Variants in LRRTM4 observed in about 807,000 individuals in gnomAD.
LRRTM4 encodes the protein leucine-rich repeat transmembrane neuronal protein 4.
In LRRTM4, 25 loss-of-function variants were observed where a neutral mutation model predicts 47.6. The observed-to-expected ratio is 0.53, with a 90% CI of 0.38 to 0.73. The LOEUF is 0.73. LRRTM4 is among the 30% of genes least tolerant of loss of function. The pLI is 0.00. For missense variants in LRRTM4, 638 were observed against 713.4 expected, an observed-to-expected ratio of 0.89 and a Z score of 1.20; for synonymous variants, 311 against 269.5, an observed-to-expected ratio of 1.15 and a Z score of -1.51.
At chr2:77,116,081 C>T (rs1671382326) in intron 3 of LRRTM4, among the ~76,000 whole-genome samples, 1 of 152,038 alleles carries the variant, frequency 6.6e-6, no homozygotes, top group Non-Finnish European at 1.5e-5. Flanking sequence ...TGGGTTTAGG[C>T]ACTTGCATTT....
chr2:77,369,806 A>G (rs1484989568), intron 3 of LRRTM4, among the ~76,000 whole-genome samples: 1 of 151,760 alleles, frequency 6.6e-6, no homozygotes, highest in Non-Finnish European at 1.5e-5. Context: ...TATACTGAAT[A>G]CTGTAGGCAA....
At chr2:77,183,235 C>T (rs1217778932) in intron 3 of LRRTM4, among the ~76,000 whole-genome samples, 1 of 151,858 alleles carries the variant, frequency 6.6e-6, no homozygotes, top group Non-Finnish European at 1.5e-5. Flanking sequence ...AACAAATTTA[C>T]AACAAAAAAA....
chr2:77,511,333 A>G (rs1377314504), intron 3 of LRRTM4, among the ~76,000 whole-genome samples: 1 of 152,058 alleles, frequency 6.6e-6, no homozygotes, highest in Non-Finnish European at 1.5e-5. Context: ...ACATGTTAGT[A>G]TTTTAGAAAT....
At chr2:76,811,492 G>A (rs1010895601) in intron 3 of LRRTM4, among the ~76,000 whole-genome samples, 24 of 152,106 alleles carry the variant, frequency 1.6e-4, no homozygotes, top group Non-Finnish European at 3.2e-4. Context: ...CCAGACCATC[G>A]CCTCTACTCT....
intron 3 of LRRTM4, among the ~76,000 whole-genome samples, chr2:77,457,055 TAAC>T (rs1676590860): frequency 8.4e-6 from 1 of 118,810 alleles, no homozygotes; most frequent in African/African-American, 3.4e-5. Context: ...TATATATGTA[TAAC>T]CTGGAACTCT....
chr2:76,965,643 T>G (rs1676000928), intron 3 of LRRTM4, among the ~76,000 whole-genome samples: 1 of 151,370 alleles, frequency 6.6e-6, no homozygotes, highest in Non-Finnish European at 1.5e-5. Context: ...CTTAGCCTGA[T>G]TTTAGCTGAA....
At chr2:77,115,522 A>C (rs1733463) in intron 3 of LRRTM4, among the ~76,000 whole-genome samples, 92,881 of 152,000 alleles carry the variant, frequency 0.61, 29,319 homozygotes, top group African/African-American at 0.77. Context: ...TGATAAATGT[A>C]CATGAAATCT....
At chr2:76,921,699 A>G (rs1674437988) in intron 3 of LRRTM4, among the ~76,000 whole-genome samples, 2 of 152,034 alleles carry the variant, frequency 1.3e-5, no homozygotes, top group Non-Finnish European at 2.9e-5. Context: ...GCAGTTAGGT[A>G]TCTTTTATTT....
At chr2:77,228,081 A>G (rs1274147131) in intron 3 of LRRTM4, among the ~76,000 whole-genome samples, 1 of 152,108 alleles carries the variant, frequency 6.6e-6, no homozygotes, top group Non-Finnish European at 1.5e-5. Flanking sequence ...GAAACAGGAC[A>G]CAATTATAAA....
At chr2:76,860,834 T>C (rs1276944590) in intron 3 of LRRTM4, among the ~76,000 whole-genome samples, 1 of 152,026 alleles carries the variant, frequency 6.6e-6, no homozygotes, top group African/African-American at 2.4e-5. Flanking sequence ...GAAACAGATA[T>C]TGAGTGGGTA....
intron 3 of LRRTM4, among the ~76,000 whole-genome samples, chr2:76,981,749 T>A (rs1676616107): frequency 6.6e-6 from 1 of 151,934 alleles, no homozygotes; most frequent in African/African-American, 2.4e-5. Context: ...CGCCTCAGCC[T>A]CCCAAAGGCT....
chr2:77,471,022 C>T (rs1417849165), intron 3 of LRRTM4, among the ~76,000 whole-genome samples: 1 of 152,126 alleles, frequency 6.6e-6, no homozygotes, highest in Middle Eastern at 3.2e-3. Flanking sequence ...CCATATGTTG[C>T]TGACTTCTGA....
chr2:77,255,444 T>C (rs549664506), intron 3 of LRRTM4, among the ~76,000 whole-genome samples: 1 of 152,040 alleles, frequency 6.6e-6, no homozygotes, highest in Non-Finnish European at 1.5e-5. Flanking sequence ...TATTGGTCAC[T>C]CTACCCATCA....
chr2:77,037,428 T>G (rs1460576072), intron 3 of LRRTM4, among the ~76,000 whole-genome samples: 2 of 151,730 alleles, frequency 1.3e-5, no homozygotes, highest in Admixed American at 6.6e-5. Context: ...AACCATTGCT[T>G]AATCCTGCCA....
rs372417498 is a variant in LRRTM4, at chr2:76,900,417, G to C, written c.1552-151501C>G. ...TTATTTCATGCTTATCTCTATTCTT[G>C]TTTATTTTCAAACCAATAGTCATTG... On this transcript the variant is annotated intron_variant, in intron 3 of 3. Transcript: ENST00000409884. 3.1e-3 allele frequency among the ~76,000 whole-genome samples: 457 copies of C among 149,822 alleles called. 2 individuals are homozygous for C. The highest frequency in any genetic ancestry group is 0.011 in the African/African-American group (436 of 40,682).
intron 3 of LRRTM4, among the ~76,000 whole-genome samples, chr2:77,491,117 T>C (rs971720203): frequency 1.3e-5 from 2 of 151,870 alleles, no homozygotes; most frequent in African/African-American, 4.8e-5. Flanking sequence ...AGAGAGAAGA[T>C]ATACAAGGGA....
intron 3 of LRRTM4, among the ~76,000 whole-genome samples, chr2:76,893,461 T>A (rs1412034252): frequency 6.6e-6 from 1 of 151,684 alleles, no homozygotes; most frequent in Non-Finnish European, 1.5e-5. Flanking sequence ...AAATAATAAC[T>A]AACAACCAAA....
chr2:76,813,264 G>A (rs1428620052), intron 3 of LRRTM4, among the ~76,000 whole-genome samples: 1 of 152,114 alleles, frequency 6.6e-6, no homozygotes, highest in Non-Finnish European at 1.5e-5. Flanking sequence ...CCCCACTGGG[G>A]AATTGTTTAT....
intron 3 of LRRTM4, among the ~76,000 whole-genome samples, chr2:77,096,668 G>T (rs927355123): frequency 1.3e-5 from 2 of 151,386 alleles, no homozygotes; most frequent in African/African-American, 4.8e-5. Context: ...ATAGATAAAG[G>T]TATTGTGAAA....
Sources: gnomAD v4.1 joint callset for allele counts (sites outside exome capture counted in the v4.1 genomes callset) on GRCh38, gnomAD v4.1.1 for gene constraint, MANE v1.5 for transcripts, NCBI Gene and HGNC (gene_info 2026-07-23, HGNC 2026-07-21) for gene names.